Variants in KAZN observed in about 807,000 individuals in gnomAD.
KAZN encodes kazrin.
A neutral mutation model predicts 87.4 loss-of-function variants in KAZN; 40 were observed. The ratio of observed to expected loss-of-function variants is 0.46; its 90% CI spans 0.36 to 0.60. The LOEUF (loss-of-function observed/expected upper bound fraction) is 0.60, where lower values mean the gene tolerates loss of function less well. Among genes scored for constraint, KAZN ranks in the 20% least tolerant of loss-of-function variants. The pLI, the probability that KAZN is intolerant of heterozygous loss-of-function variation, is 0.00. For synonymous variants in KAZN, 466 were observed against 458.3 expected, an observed-to-expected ratio of 1.02 and a Z score of -0.22; for missense variants, 898 against 1,073.9, an observed-to-expected ratio of 0.84 and a Z score of 2.29.
At chr1:14,227,717 G>A (rs532700660) in intron 2 of KAZN, among the ~76,000 whole-genome samples, 2 of 152,296 alleles carry the variant, frequency 1.3e-5, no homozygotes, top group South Asian at 4.1e-4. Context: ...AGAATTTGTA[G>A]TCATGTTTGA....
At chr1:15,052,366 C>T (rs940398279) in intron 4 of KAZN, among the ~76,000 whole-genome samples, 1 of 152,156 alleles carries the variant, frequency 6.6e-6, no homozygotes, top group African/African-American at 2.4e-5. Context: ...TTTTATAAAA[C>T]CGTCAGATCT....
intron 1 of KAZN, among the ~76,000 whole-genome samples, chr1:14,001,177 T>C (rs1639777089): frequency 6.6e-6 from 1 of 152,148 alleles, no homozygotes; most frequent in Admixed American, 6.5e-5. Flanking sequence ...ACAAAATTAA[T>C]GTGCAAAAAT....
At chr1:14,158,482 A>G (rs946134924) in intron 1 of KAZN, among the ~76,000 whole-genome samples, 13 of 152,056 alleles carry the variant, frequency 8.5e-5, no homozygotes, top group African/African-American at 3.1e-4. Context: ...TCTCTTTGTT[A>G]TATTTATTTG....
intron 1 of KAZN, among the ~76,000 whole-genome samples, chr1:14,029,592 G>C (rs1570566768): frequency 2.0e-5 from 3 of 149,330 alleles, no homozygotes; most frequent in African/African-American, 7.4e-5. Context: ...TTCTTCTAGG[G>C]TTTTTATGGT....
chr1:14,989,117 T>C (rs968905210), intron 2 of KAZN, among the ~76,000 whole-genome samples: 11 of 152,158 alleles, frequency 7.2e-5, no homozygotes, highest in Non-Finnish European at 1.5e-4. Flanking sequence ...CCACACAAGC[T>C]CAGAGGAGCA....
chr1:15,043,349 G>A (rs920206739), intron 3 of KAZN, among the ~76,000 whole-genome samples: 4 of 152,176 alleles, frequency 2.6e-5, no homozygotes, highest in East Asian at 1.9e-4. Context: ...TTTCCCGCAC[G>A]TGAAGTCATT....
At chr1:14,643,755 A>G (rs1572119354) in intron 1 of KAZN, among the ~76,000 whole-genome samples, 1 of 152,296 alleles carries the variant, frequency 6.6e-6, no homozygotes, top group Middle Eastern at 3.4e-3. Flanking sequence ...ACTTTCCACA[A>G]TGGTTGAACT....
intron 2 of KAZN, among the ~76,000 whole-genome samples, chr1:14,253,961 C>T (rs113139957): frequency 8.7e-5 from 9 of 103,128 alleles, no homozygotes; most frequent in Non-Finnish European, 1.5e-4. Flanking sequence ...GTGGTTGGGG[C>T]GGGGGGTGGG....
intron 2 of KAZN, among the ~76,000 whole-genome samples, chr1:14,225,156 C>A (rs1159869469): frequency 2.0e-5 from 3 of 152,150 alleles, no homozygotes; most frequent in Non-Finnish European, 4.4e-5. Context: ...AAACCCCAGT[C>A]TTTGCTAAAA....
intron 2 of KAZN, among the ~76,000 whole-genome samples, chr1:14,479,872 G>T (rs1668972105): frequency 6.6e-6 from 1 of 152,176 alleles, no homozygotes; most frequent in South Asian, 2.1e-4. Context: ...TGTCTTACTA[G>T]GTCCCAAGCT....
At chr1:14,306,573 T>A (rs1654945297) in intron 2 of KAZN, among the ~76,000 whole-genome samples, 1 of 152,212 alleles carries the variant, frequency 6.6e-6, no homozygotes. Context: ...ACCCAGTCCT[T>A]GCTGTGAAAG....
intron 2 of KAZN, among the ~76,000 whole-genome samples, chr1:14,537,574 T>G (rs946734): frequency 6.6e-6 from 1 of 152,134 alleles, no homozygotes; most frequent in Non-Finnish European, 1.5e-5. Context: ...CTCAGTAGCC[T>G]GAGTGTGGTC....
At chr1:14,407,662 G>A (rs1347737387) in intron 2 of KAZN, among the ~76,000 whole-genome samples, 1 of 152,144 alleles carries the variant, frequency 6.6e-6, no homozygotes. Flanking sequence ...TTTAAAATGA[G>A]AATAATCACA....
intron 8 of KAZN, among the ~76,000 whole-genome samples, chr1:15,070,060 A>T (rs1470719762): frequency 6.6e-6 from 1 of 152,202 alleles, no homozygotes; most frequent in African/African-American, 2.4e-5. Context: ...GAGGTCATGG[A>T]GCTGGGAGAC....
chr1:13,945,326 T>C (rs567031740), intron 1 of KAZN, among the ~76,000 whole-genome samples: 1 of 151,852 alleles, frequency 6.6e-6, no homozygotes, highest in African/African-American at 2.4e-5. Flanking sequence ...AATACAACAT[T>C]AGCAGGGAAT....
At chr1:14,702,280 T>C (rs1201370811) in intron 1 of KAZN, among the ~76,000 whole-genome samples, 1 of 151,342 alleles carries the variant, frequency 6.6e-6, no homozygotes, top group South Asian at 2.1e-4. Context: ...TTAGAAAACT[T>C]GGATGGGCTC....
At chr1:13,916,875 G>A (rs1639872200) in intron 1 of KAZN, among the ~76,000 whole-genome samples, 1 of 152,124 alleles carries the variant, frequency 6.6e-6, no homozygotes, top group African/African-American at 2.4e-5. Context: ...GGCTCGGGGA[G>A]AATGGGGGAG....
At chr1:14,569,837 G>T (rs536075569) in intron 2 of KAZN, among the ~76,000 whole-genome samples, 84 of 151,566 alleles carry the variant, frequency 5.5e-4, no homozygotes, top group African/African-American at 1.9e-3. Flanking sequence ...GCCCCACCAG[G>T]CGTGGTGGCT....
At chr1:14,000,587 G>C (rs546303064) in intron 1 of KAZN, among the ~76,000 whole-genome samples, 2 of 152,214 alleles carry the variant, frequency 1.3e-5, no homozygotes, top group East Asian at 3.9e-4. Flanking sequence ...AACCCACAAT[G>C]AATACCATAC....
Sources: allele counts gnomAD v4.1 joint callset (sites outside exome capture counted in the v4.1 genomes callset), GRCh38; gene constraint gnomAD v4.1.1; transcripts MANE v1.5; gene names NCBI Gene and HGNC (gene_info 2026-07-23, HGNC 2026-07-21).